The following TBC1D14 variants were observed in gnomAD, a reference collection of about 807,000 sequenced individuals.
The protein encoded by TBC1D14 is TBC1 domain family member 14.
In TBC1D14, 26 loss-of-function variants were observed where a neutral mutation model predicts 79.0. The observed-to-expected ratio is 0.33, with a 90% CI of 0.24 to 0.46. The LOEUF (loss-of-function observed/expected upper bound fraction) is 0.46. Ranked by LOEUF, TBC1D14 falls within the 20% of genes least tolerant of loss-of-function variation. The pLI, the probability that TBC1D14 is intolerant of heterozygous loss-of-function variation, is 1.00. For missense variants in TBC1D14, 769 were observed against 887.6 expected, an observed-to-expected ratio of 0.87 and a Z score of 1.70; for synonymous variants, 394 against 349.9, an observed-to-expected ratio of 1.13 and a Z score of -1.40.
In TBC1D14 at chr4:7,007,707, C is replaced by T. The variant is rs1335352891; in HGVS notation, c.1446+981C>T. The T allele has an allele frequency of 5.8e-6, 5 of 869,466 alleles. No homozygotes were observed. The African/African-American group carries it at 8.7e-5, about 15-fold the overall frequency. The allele number at this position is 869,466 out of a possible 1,614,324, so 53.9% of individuals were successfully genotyped here. ...GAGCCTGTTTCCTGGAACCCTGCTTCTCCCACAGGGCAGATTTCAGCTTCT... is the reference window on the plus strand; with the variant it reads ...GAGCCTGTTTCCTGGAACCCTGCTTTTCCCACAGGGCAGATTTCAGCTTCT... On this transcript the variant is annotated intron_variant, in intron 9 of 13. Coordinates refer to ENST00000409757, the MANE Select transcript of TBC1D14 (RefSeq NM_020773.3).
At chr4:6,943,471 CG>C (rs1713111260) in intron 2 of TBC1D14, among the ~76,000 whole-genome samples, 1 of 152,220 alleles carries the variant, frequency 6.6e-6, no homozygotes, top group African/African-American at 2.4e-5. Flanking sequence ...GCCTACGGGG[CG>C]TGCAGGATCT....
intron 12 of TBC1D14, among the ~76,000 whole-genome samples, chr4:7,019,077 C>T (rs1430771723): frequency 6.6e-6 from 1 of 152,100 alleles, no homozygotes; most frequent in Non-Finnish European, 1.5e-5. Context: ...GGCTTGAGTG[C>T]AGTGGTGGAT....
At chr4:6,940,781 A>G (rs958103237) in intron 2 of TBC1D14, among the ~76,000 whole-genome samples, 5 of 152,120 alleles carry the variant, frequency 3.3e-5, no homozygotes, top group African/African-American at 9.7e-5. Context: ...ACAGTGCTCT[A>G]TGTTCTTGTG....
chr4:7,014,572 T>G lies in TBC1D14; in HGVS notation c.1757+15T>G, dbSNP rs767120432. Reference sequence around the variant, plus strand: ...CTAATTGATTGGTAAGACTGGCTTTTCCCTGTGTTTTCAGAGCATTTCTCA... The same window carrying G: ...CTAATTGATTGGTAAGACTGGCTTTGCCCTGTGTTTTCAGAGCATTTCTCA... On this transcript the variant is annotated intron_variant, in intron 12 of 13. Coordinates refer to ENST00000409757, the MANE Select transcript of TBC1D14 (RefSeq NM_020773.3). The G allele has an allele frequency of 1.3e-6, 2 of 1,549,484 alleles. No individual in the cohort carries two copies. Among genetic ancestry groups the G allele is most frequent in the Admixed American group, 1.7e-5 (1 of 59,814 alleles).
intron 11 of TBC1D14, among the ~76,000 whole-genome samples, chr4:7,011,341 G>A (rs1468558251): frequency 1.4e-5 from 2 of 144,274 alleles, no homozygotes; most frequent in Admixed American, 6.9e-5. Flanking sequence ...GGTGGTGACA[G>A]TGGGGGGTAG....
At chr4:6,988,881 C>CTTTT (rs1718165761) in intron 3 of TBC1D14, among the ~76,000 whole-genome samples, 1 of 93,574 alleles carries the variant, frequency 1.1e-5, no homozygotes, top group African/African-American at 4.1e-5. Flanking sequence ...TTCTTTCTTT[C>CTTTT]TTTCTTTTTT....
At chr4:6,969,906 T>G (rs529214848) in intron 3 of TBC1D14, among the ~76,000 whole-genome samples, 24 of 152,328 alleles carry the variant, frequency 1.6e-4, no homozygotes, top group African/African-American at 5.5e-4. Context: ...CGGGACCTGC[T>G]TGCTTGTCTC....
chr4:6,980,409 A>G (rs983832691), intron 3 of TBC1D14, among the ~76,000 whole-genome samples: 1 of 152,232 alleles, frequency 6.6e-6, no homozygotes, highest in Non-Finnish European at 1.5e-5. Context: ...GTATAGCATT[A>G]AAATGCTCAC....
chr4:6,939,737 A>T (rs949293468), intron 2 of TBC1D14, among the ~76,000 whole-genome samples: 2 of 15,622 alleles, frequency 1.3e-4, no homozygotes, highest in South Asian at 2.1e-3. Context: ...GTTCCTGAGG[A>T]GAGGGGTGGG....
At chr4:7,010,047 C>A in intron 10 of TBC1D14, 99 bp downstream of exon 10, 1 of 1,352,900 alleles carries the variant, frequency 7.4e-7, no homozygotes, top group East Asian at 2.3e-5. Context: ...CCAGTGCCTT[C>A]GTTTTTGCCG....
intron 11 of TBC1D14, among the ~76,000 whole-genome samples, chr4:7,011,527 C>T (rs1162471448): frequency 6.6e-6 from 1 of 152,002 alleles, no homozygotes; most frequent in Non-Finnish European, 1.5e-5. Flanking sequence ...ATTTAATAAG[C>T]CCATCAGGGT....
chr4:7,015,690 TG>T (rs1472813378), intron 12 of TBC1D14, among the ~76,000 whole-genome samples: 1 of 151,976 alleles, frequency 6.6e-6, no homozygotes, highest in East Asian at 1.9e-4. Flanking sequence ...GATCACATGG[TG>T]GGAAGAGGGT....
intron 2 of TBC1D14, among the ~76,000 whole-genome samples, chr4:6,953,023 CTTTTT>C (rs371101904): frequency 2.8e-5 from 3 of 107,112 alleles, no homozygotes; most frequent in African/African-American, 1.1e-4. Context: ...TTTTTTCTTT[CTTTTT>C]TTTTTTTTTT....
At chr4:7,025,439 G>A (rs1030692247) in intron 13 of TBC1D14, among the ~76,000 whole-genome samples, 177 bp downstream of exon 13, 6 of 151,048 alleles carry the variant, frequency 4.0e-5, no homozygotes, top group East Asian at 2.0e-4. Flanking sequence ...TCGGCGGGTC[G>A]CCTCCTCTTT....
chr4:7,025,189 A>G lies in TBC1D14; in HGVS notation c.1943A>G (p.Asp648Gly). 6.2e-7 allele frequency: 1 copy of G among 1,614,166 alleles called. No homozygotes were observed. The highest frequency in any genetic ancestry group is 8.5e-7 in the Non-Finnish European group (1 of 1,180,026). ...CAGTTCCTGACCCGGCTGCCCGAGG[A>G]CCTGCCCGCCGAGGAGCTGTTTGCC... ...MAQFLTRLPE[D>G]LPAEELFASI... The change falls in exon 13 of 14, where the codon GAC (aspartate) becomes GGC (glycine). Residue 648 changes from aspartate (D) to glycine (G), a missense_variant. By Grantham distance (94) the Asp-to-Gly change is moderately conservative. Transcript: ENST00000409757.
intron 6 of TBC1D14, among the ~76,000 whole-genome samples, chr4:7,000,608 C>T (rs778857320): frequency 2.6e-5 from 4 of 152,228 alleles, no homozygotes; most frequent in African/African-American, 7.2e-5. Context: ...GGACTCTGTA[C>T]AGCCTACAAT....
chr4:7,017,102 A>G (rs1358608515), intron 12 of TBC1D14, among the ~76,000 whole-genome samples: 1 of 152,182 alleles, frequency 6.6e-6, no homozygotes, highest in Non-Finnish European at 1.5e-5. Flanking sequence ...GGAGTTCGAG[A>G]CCAACCTGGC....
At chr4:6,934,623 A>G (rs1712128000) in intron 2 of TBC1D14, among the ~76,000 whole-genome samples, 1 of 151,068 alleles carries the variant, frequency 6.6e-6, no homozygotes, top group South Asian at 2.1e-4. Context: ...GCACCACTAC[A>G]CTCCAGCATG....
chr4:6,915,521 A>T (rs1723328944), intron 1 of TBC1D14, among the ~76,000 whole-genome samples: 1 of 152,144 alleles, frequency 6.6e-6, no homozygotes. Flanking sequence ...CACAGACTTG[A>T]GTTCAAGCCC....
Sources: allele counts gnomAD v4.1 joint callset (sites outside exome capture counted in the v4.1 genomes callset), GRCh38; gene constraint gnomAD v4.1.1; transcripts MANE v1.5; gene names NCBI Gene and HGNC (gene_info 2026-07-23, HGNC 2026-07-21).